The following CNTN6 variants were observed in gnomAD, a reference collection of about 807,000 sequenced individuals.
CNTN6 encodes the protein contactin-6.
Under a neutral mutation model 122.8 loss-of-function variants are expected in CNTN6, and 137 were observed. The observed-to-expected ratio is 1.12, with a 90% CI of 0.97 to 1.29. The LOEUF (loss-of-function observed/expected upper bound fraction) is 1.29, where lower values mean the gene tolerates loss of function less well. Among genes scored for constraint, CNTN6 ranks in the 50% most tolerant of loss-of-function variants. The pLI, the probability that CNTN6 is intolerant of heterozygous loss-of-function variation, is 0.00. For synonymous variants in CNTN6, 570 were observed against 426.0 expected (o/e 1.34, Z -4.16); for missense variants, 1,634 against 1,223.4 (o/e 1.34, Z -5.01).
At chr3:1,134,702 T>TTTTTG (rs2092428281) in intron 1 of CNTN6, among the ~76,000 whole-genome samples, 1 of 152,144 alleles carries the variant, frequency 6.6e-6, no homozygotes, top group Non-Finnish European at 1.5e-5. Context: ...TTTTGTTTTG[T>TTTTTG]TTTGTTTTGT....
intron 12 of CNTN6, among the ~76,000 whole-genome samples, chr3:1,363,633 CAT>C (rs1375544134): frequency 2.6e-5 from 4 of 151,962 alleles, no homozygotes; most frequent in Admixed American, 1.3e-4. Flanking sequence ...ATTGTGTACA[CAT>C]GTCACAATTT....
At chr3:1,248,491 A>G (rs985430679) in intron 4 of CNTN6, among the ~76,000 whole-genome samples, 1 of 152,202 alleles carries the variant, frequency 6.6e-6, no homozygotes, top group African/African-American at 2.4e-5. Context: ...AATTTTATAT[A>G]TAAGGAAAAT....
chr3:1,363,280 A>G (rs1575868795), intron 12 of CNTN6, among the ~76,000 whole-genome samples: 1 of 152,030 alleles, frequency 6.6e-6, no homozygotes, highest in East Asian at 1.9e-4. Flanking sequence ...AGTTCTCAGT[A>G]TACAATACAG....
rs907470483 is a variant in CNTN6 at position 1,327,460 on chromosome 3, A to G, written c.1087A>G (p.Arg363Gly). The change falls in exon 10 of 23, where the codon AGA (arginine) becomes GGA (glycine). Residue 363 changes from arginine (R) to glycine (G), a missense_variant. Arg to Gly is a moderately radical substitution (Grantham distance 125). Coordinates refer to ENST00000446702, the MANE Select transcript of CNTN6 (RefSeq NM_001289080.2). The part of the protein sequence containing the change: ...KNGERLNPEE[R>G]IQIENGTLII... ...TATATGCCTTTTCCTTTATTAGGAG[A>G]GAATTCAAATAGAAAATGGGACACT... 1.2e-6 allele frequency: 2 copies of G among 1,609,858 alleles called. No individual in the cohort carries two copies. Among genetic ancestry groups the G allele is most frequent in the African/African-American group, 2.7e-5 (2 of 74,652 alleles).
chr3:1,137,889 G>A (rs892933637), intron 1 of CNTN6, among the ~76,000 whole-genome samples: 5 of 152,168 alleles, frequency 3.3e-5, no homozygotes, highest in African/African-American at 1.2e-4. Context: ...ATATTAAGCT[G>A]AAATTTGCTG....
Position 1,270,894 on chromosome 3 carries a change from T to TTG in CNTN6, c.359-7517_359-7516dup, listed in dbSNP as rs112360048. On this transcript the variant is annotated intron_variant, in intron 4 of 22. Coordinates refer to ENST00000446702, the MANE Select transcript of CNTN6 (RefSeq NM_001289080.2). ...CAATATTTGTTTCTTTACTTTGTCT[T>TTG]TGTTTGTTTGTTTGTTCTTGCTTTT... Among the ~76,000 whole-genome samples, 249 of 152,120 alleles carry TTG rather than the reference T, an allele frequency of 1.6e-3. 2 individuals carry two copies. The highest frequency in any genetic ancestry group is 5.4e-3 in the African/African-American group (226 of 41,486).
chr3:1,169,930 T>C (rs1030125827), intron 2 of CNTN6, among the ~76,000 whole-genome samples: 2 of 152,156 alleles, frequency 1.3e-5, no homozygotes, highest in Non-Finnish European at 2.9e-5. Context: ...TCACCTTAAA[T>C]TTTATTAGAA....
At chr3:1,281,319 G>A (rs1047427788) in intron 5 of CNTN6, among the ~76,000 whole-genome samples, 1 of 151,994 alleles carries the variant, frequency 6.6e-6, no homozygotes, top group African/African-American at 2.4e-5. Context: ...ATATTCATGG[G>A]GGCAGACGGA....
intron 4 of CNTN6, among the ~76,000 whole-genome samples, chr3:1,268,378 C>T (rs140165651): frequency 0.62 from 93,862 of 151,322 alleles, 30,634 homozygotes; most frequent in East Asian, 0.86. Flanking sequence ...GAGGCCGAGG[C>T]GGGCGGATCA....
chr3:1,229,633 T>C (rs539591699), intron 4 of CNTN6, among the ~76,000 whole-genome samples: 60 of 152,326 alleles, frequency 3.9e-4, no homozygotes, highest in Non-Finnish European at 5.0e-4. Flanking sequence ...ACCTTCTTTC[T>C]GCTTTAAAAA....
At chr3:1,340,933 T>C (rs1207287979) in intron 11 of CNTN6, among the ~76,000 whole-genome samples, 1 of 151,910 alleles carries the variant, frequency 6.6e-6, no homozygotes, top group African/African-American at 2.4e-5. Context: ...AAGTTTCAAG[T>C]TGGTGGTTTA....
At chr3:1,192,703 C>A (rs988756328) in intron 2 of CNTN6, among the ~76,000 whole-genome samples, 1 of 152,134 alleles carries the variant, frequency 6.6e-6, no homozygotes, top group African/African-American at 2.4e-5. Flanking sequence ...GACAACCACA[C>A]ACACACACAC....
chr3:1,144,468 G>A (rs1315170416), intron 1 of CNTN6, among the ~76,000 whole-genome samples: 5 of 151,800 alleles, frequency 3.3e-5, no homozygotes, highest in Non-Finnish European at 7.4e-5. Context: ...CCAGCTACTC[G>A]GGAGGCTGAG....
intron 1 of CNTN6, among the ~76,000 whole-genome samples, chr3:1,106,734 T>A (rs1458149439): frequency 1.3e-5 from 2 of 152,156 alleles, no homozygotes; most frequent in East Asian, 1.9e-4. Context: ...GTCTATCCAA[T>A]GAACTTTCCC....
chr3:1,129,215 G>T (rs1378298864), intron 1 of CNTN6, among the ~76,000 whole-genome samples: 1 of 152,050 alleles, frequency 6.6e-6, no homozygotes, highest in Non-Finnish European at 1.5e-5. Context: ...CTATATGACA[G>T]TATGATCACC....
intron 1 of CNTN6, among the ~76,000 whole-genome samples, chr3:1,106,169 A>G (rs72995709): frequency 0.062 from 9,480 of 152,192 alleles, 415 homozygotes; most frequent in Non-Finnish European, 0.09. Flanking sequence ...GTAAAAGGAA[A>G]TTGTAATCAT....
chr3:1,288,203 A>G (rs971661558), intron 5 of CNTN6, among the ~76,000 whole-genome samples: 5 of 152,220 alleles, frequency 3.3e-5, no homozygotes, highest in Non-Finnish European at 5.9e-5. Flanking sequence ...ACTGTCATTC[A>G]TAGGCCGTAA....
At chr3:1,236,682 T>A (rs2094426576) in intron 4 of CNTN6, among the ~76,000 whole-genome samples, 1 of 152,056 alleles carries the variant, frequency 6.6e-6, no homozygotes. Flanking sequence ...GTTCTTCAAC[T>A]CCCCCAAAAG....
At chr3:1,150,430 T>G (rs556057135) in intron 2 of CNTN6, among the ~76,000 whole-genome samples, 1 of 152,188 alleles carries the variant, frequency 6.6e-6, no homozygotes, top group Non-Finnish European at 1.5e-5. Flanking sequence ...TAAAATTTTT[T>G]GACAACCTCT....
Sources: gnomAD v4.1 joint callset for allele counts (sites outside exome capture counted in the v4.1 genomes callset) on GRCh38, gnomAD v4.1.1 for gene constraint, MANE v1.5 for transcripts, NCBI Gene and HGNC (gene_info 2026-07-23, HGNC 2026-07-21) for gene names.